Variants in INSYN1 observed in about 807,000 individuals in gnomAD.
INSYN1 encodes inhibitory synaptic factor 1, also known as UPF0583 protein C15orf59.
INSYN1 carries 7 observed loss-of-function variants against 17.1 expected under a neutral mutation model. That is an observed-to-expected ratio of 0.41 (90% confidence interval 0.23 to 0.77). The LOEUF is 0.77. INSYN1 is among the 30% of genes least tolerant of loss of function. The pLI is 0.32. For missense variants in INSYN1, 339 were observed against 400.6 expected, an observed-to-expected ratio of 0.85 and a Z score of 1.31; for synonymous variants, 174 against 166.3, an observed-to-expected ratio of 1.05 and a Z score of -0.36.
intron 2 of INSYN1, 114 bp downstream of exon 2, chr15:73,750,861 T>C: frequency 8.8e-7 from 1 of 1,132,978 alleles, no homozygotes; most frequent in East Asian, 2.4e-5. Flanking sequence ...CCCAGTAGAG[T>C]GACACATGTG....
In INSYN1 at chr15:73,737,318, T is replaced by C. The variant is rs923651478; in HGVS notation, c.*2599A>G. The C allele has an allele frequency of 1.3e-5, 2 of 152,254 alleles. No individual in the cohort carries two copies. Among genetic ancestry groups the C allele is most frequent in the African/African-American group, 4.8e-5 (2 of 41,456 alleles). 9.4% of individuals were successfully genotyped at this position (152,254 alleles called of 1,614,324 possible). Reference sequence around the variant, plus strand: ...GAAATGCAAGCCTCAGAGGGAGAACTGTTATGTCCATTCTTAGCACCAGGT... The same window carrying C: ...GAAATGCAAGCCTCAGAGGGAGAACCGTTATGTCCATTCTTAGCACCAGGT... On this transcript the variant is annotated 3_prime_UTR_variant, in exon 3 of 3. Transcript: ENST00000569673.
At chr15:73,748,411 G>C (rs898798500) in intron 2 of INSYN1, among the ~76,000 whole-genome samples, 1 of 152,142 alleles carries the variant, frequency 6.6e-6, no homozygotes, top group African/African-American at 2.4e-5. Flanking sequence ...AGTCTTGTAT[G>C]TGACTCTCAT....
rs943816258 is a variant in INSYN1, at chr15:73,738,354, A to G, written c.*1563T>C. 2 of 152,264 alleles carry G rather than the reference A, an allele frequency of 1.3e-5. No homozygotes were observed. Among genetic ancestry groups the G allele is most frequent in the African/African-American group, 4.8e-5 (2 of 41,456 alleles). The allele number at this position is 152,264 out of a possible 1,614,324, so 9.4% of individuals were successfully genotyped here. On this transcript the variant is annotated 3_prime_UTR_variant, in exon 3 of 3. Coordinates refer to ENST00000569673, the MANE Select transcript of INSYN1 (RefSeq NM_001039614.3). ...CAGGCTTTGTGGCTTTGGGGCAGGT[A>G]CTGAACTACTTTGAACCTCAGTCAT...
At chr15:73,745,620 C>T (rs1397792828) in intron 2 of INSYN1, among the ~76,000 whole-genome samples, 1 of 152,162 alleles carries the variant, frequency 6.6e-6, no homozygotes, top group East Asian at 1.9e-4. Context: ...ATCCCCAGCT[C>T]GGCACAGGGA....
Position 73,751,198 on chromosome 15 carries a change from C to T in INSYN1, c.-68G>A, listed in dbSNP as rs1209243052. 2.5e-6 allele frequency: 4 copies of T among 1,570,764 alleles called. No homozygotes were observed. Among genetic ancestry groups the T allele is most frequent in the East Asian group, 2.3e-5 (1 of 43,726 alleles). On this transcript the variant is annotated 5_prime_UTR_variant, in exon 2 of 3. It adds an upstream start codon to the 5' untranslated region. Coordinates refer to ENST00000569673, the MANE Select transcript of INSYN1 (RefSeq NM_001039614.3). ...TGGGCACACACTGCGTCTGCCTCCACGGAGCCCCCCTCGGCTGGGCAGAGC... is the reference window on the plus strand; with the variant it reads ...TGGGCACACACTGCGTCTGCCTCCATGGAGCCCCCCTCGGCTGGGCAGAGC...
chr15:73,751,285 C>G lies in INSYN1; in HGVS notation c.-155G>C, dbSNP rs1035598136. ...TGGGCGGCCCTCAACCAGCCCCTGC[C>G]CCCTGCCACCCAGCCTCCTCTGCCT... is the stretch of plus-strand genomic sequence containing the variant. On this transcript the variant is annotated 5_prime_UTR_variant, in exon 2 of 3. Coordinates refer to ENST00000569673, the MANE Select transcript of INSYN1 (RefSeq NM_001039614.3). 4 of 761,050 alleles carry G rather than the reference C, an allele frequency of 5.3e-6. No individual in the cohort carries two copies. Among genetic ancestry groups the G allele is most frequent in the Non-Finnish European group, 8.4e-6 (4 of 474,994 alleles). 47.1% of individuals were successfully genotyped at this position (761,050 alleles called of 1,614,324 possible).
Position 73,740,256 on chromosome 15 carries a change from C to T in INSYN1, c.543G>A (p.Gly181=). 1.9e-6 allele frequency: 3 copies of T among 1,614,010 alleles called. No homozygotes were observed. Among genetic ancestry groups the T allele is most frequent in the Non-Finnish European group, 8.5e-7 (1 of 1,180,036 alleles). Residue 181 remains glycine (G), a synonymous_variant, in exon 3 of 3, where the codon GGG becomes GGA. Coordinates refer to ENST00000569673, the MANE Select transcript of INSYN1 (RefSeq NM_001039614.3). ...VKSQLPQRTP[G]TRERVRFSDK... ...CACTGAACCGCACCCTCTCCCGTGTCCCTGGGGTCCGCTGGGGCAGCTGGC... is the reference window on the plus strand; with the variant it reads ...CACTGAACCGCACCCTCTCCCGTGTTCCTGGGGTCCGCTGGGGCAGCTGGC...
rs1901657969 is a variant in INSYN1, at chr15:73,740,382, G to A, written c.417C>T (p.Tyr139=). 4 of 1,607,964 alleles carry A rather than the reference G, an allele frequency of 2.5e-6. No homozygotes were observed. The highest frequency in any genetic ancestry group is 3.4e-5 in the Admixed American group (2 of 59,574). ...TGGGCGTGCCACCATTCATGAGGCG[G>A]TAGTCAGGGCCAGCCCCTGGCCGAG... is the stretch of plus-strand genomic sequence containing the variant. ...ESTRPGAGPD[Y]RLMNGGTPIP... is the part of the protein sequence containing the mutation. The change falls in exon 3 of 3, where the codon TAC becomes TAT. Residue 139 remains tyrosine (Y), a synonymous_variant. Transcript: ENST00000569673.
chr15:73,748,895 G>A (rs375365391), intron 2 of INSYN1, among the ~76,000 whole-genome samples: 3 of 152,272 alleles, frequency 2.0e-5, no homozygotes, highest in African/African-American at 4.8e-5. Flanking sequence ...CATTGGCAGC[G>A]GGCAGGCAGT....
intron 2 of INSYN1, among the ~76,000 whole-genome samples, chr15:73,750,188 G>A (rs1901942513): frequency 6.6e-6 from 1 of 152,234 alleles, no homozygotes; most frequent in Non-Finnish European, 1.5e-5. Flanking sequence ...ACGCAGCACA[G>A]GGGGCAGGGC....
At chr15:73,748,844 CGA>C (rs1440671659) in intron 2 of INSYN1, among the ~76,000 whole-genome samples, 1 of 152,146 alleles carries the variant, frequency 6.6e-6, no homozygotes, top group Non-Finnish European at 1.5e-5. Flanking sequence ...GCCTGGGGGA[CGA>C]GAGAGTTCTG....
rs1308754708 is a variant in INSYN1 at position 73,737,895 on chromosome 15, GC to G, written c.*2021del. On this transcript the variant is annotated 3_prime_UTR_variant, in exon 3 of 3. Transcript: ENST00000569673. ...CCCCAAGGAGCGATGTCTTTGCTGT[GC>G]TGCCAGTCCCACCTCCCTGCTCTGA... 6.6e-6 allele frequency: 1 copy of G among 152,272 alleles called. No homozygotes were observed. Among genetic ancestry groups the G allele is most frequent in the African/African-American group, 2.4e-5 (1 of 41,452 alleles). 9.4% of individuals were successfully genotyped at this position (152,272 alleles called of 1,614,324 possible). A position where few individuals can be genotyped will look rare whatever the true frequency, so the allele number is the denominator to read the frequency against.
At chr15:73,748,008 G>T (rs923939214) in intron 2 of INSYN1, among the ~76,000 whole-genome samples, 2 of 152,146 alleles carry the variant, frequency 1.3e-5, no homozygotes, top group African/African-American at 4.8e-5. Context: ...GTTTGCGAGG[G>T]CGAGGGAGGT....
At position 73,751,010 on chromosome 15, in the gene INSYN1, G is replaced by A. The variant is rs539347695; in HGVS notation, c.121C>T (p.Arg41Cys). ...TCCTTGGCCACCTCCTTGAGCTCGC[G>A]AAGGATGCCCTCAAGCTGCCCGATG... ...MVIGQLEGIL[R>C]ELKEVAKELR... The change falls in exon 2 of 3, where the codon CGC becomes TGC. Residue 41 changes from arginine (R) to cysteine (C), a missense_variant. By Grantham distance (180) the Arg-to-Cys change is radical. Coordinates refer to ENST00000569673, the MANE Select transcript of INSYN1 (RefSeq NM_001039614.3). 33 of 1,614,072 alleles carry A rather than the reference G, an allele frequency of 2.0e-5. No individual in the cohort carries two copies. The highest frequency in any genetic ancestry group is 5.3e-5 in the African/African-American group (4 of 75,024).
At chr15:73,740,749 G>T in intron 2 of INSYN1, 107 bp from the exon 3 acceptor site, 2 of 919,368 alleles carry the variant, frequency 2.2e-6, no homozygotes, top group African/African-American at 1.7e-5. Flanking sequence ...GCTGATGAGC[G>T]TACTGGACAG....
At chr15:73,747,690 T>C (rs1186759038) in intron 2 of INSYN1, among the ~76,000 whole-genome samples, 2 of 152,176 alleles carry the variant, frequency 1.3e-5, no homozygotes, top group African/African-American at 2.4e-5. Context: ...AGATTTGAAC[T>C]ACAGGCATCT....
At chr15:73,741,747 G>A (rs79076790) in intron 2 of INSYN1, among the ~76,000 whole-genome samples, 2,974 of 152,330 alleles carry the variant, frequency 0.02, 107 homozygotes, top group African/African-American at 0.067. Context: ...CCAGCCCCCA[G>A]CACCTCTCTG....
intron 2 of INSYN1, among the ~76,000 whole-genome samples, chr15:73,748,268 A>G (rs956931258): frequency 6.6e-6 from 1 of 152,192 alleles, no homozygotes; most frequent in Non-Finnish European, 1.5e-5. Context: ...TGCCATGATC[A>G]GTGGCATCAG....
Position 73,753,276 on chromosome 15 carries a change from G to C in INSYN1, c.-1734C>G, listed in dbSNP as rs1902046114. 6.7e-6 allele frequency among the ~76,000 whole-genome samples: 1 copy of C among 148,500 alleles called. No homozygotes were observed. The highest frequency in any genetic ancestry group is 1.5e-5 in the Non-Finnish European group (1 of 66,900). On this transcript the variant is annotated 5_prime_UTR_variant, in exon 1 of 3. Coordinates refer to ENST00000569673, the MANE Select transcript of INSYN1 (RefSeq NM_001039614.3). This position sits in a 1 kb window ranked among gnomAD's most constrained non-coding sequence, Gnocchi z 4.2. ...CCGCCCCCCGCCGGACTGGCCGCCC[G>C]GGCGGGCGCTGGCTCCCTTAAAGGC...
Sources: allele counts gnomAD v4.1 joint callset (sites outside exome capture counted in the v4.1 genomes callset), GRCh38; gene constraint gnomAD v4.1.1; non-coding constraint Gnocchi (gnomAD v3.1); transcripts MANE v1.5; gene names NCBI Gene and HGNC (gene_info 2026-07-23, HGNC 2026-07-21).